Variants in GRIP1 observed in about 807,000 individuals in gnomAD.
The protein encoded by GRIP1 is glutamate receptor interacting protein 1.
A neutral mutation model predicts 129.9 loss-of-function variants in GRIP1; 45 were observed. The observed-to-expected ratio is 0.35, with a 90% confidence interval of 0.27 to 0.44. GRIP1 has a LOEUF of 0.44. Ranked by LOEUF, GRIP1 falls within the 20% of genes least tolerant of loss-of-function variation. The pLI is 1.00. For missense variants in GRIP1, 1,196 were observed against 1,396.8 expected, an observed-to-expected ratio of 0.86 and a Z score of 2.29; for synonymous variants, 530 against 520.8, an observed-to-expected ratio of 1.02 and a Z score of -0.24.
At chr12:66,960,776 C>T (rs1357117539) in intron 1 of GRIP1, among the ~76,000 whole-genome samples, 1 of 152,090 alleles carries the variant, frequency 6.6e-6, no homozygotes, top group Non-Finnish European at 1.5e-5. Context: ...CTCAGACCAG[C>T]CCCCACAGCC....
intron 1 of GRIP1, among the ~76,000 whole-genome samples, chr12:66,929,123 A>G (rs1302663788): frequency 1.3e-5 from 2 of 152,240 alleles, no homozygotes. Flanking sequence ...TTGTGTGAAA[A>G]TAAGAACCCA....
chr12:66,863,641 G>A (rs563225483), intron 1 of GRIP1, among the ~76,000 whole-genome samples: 20 of 152,070 alleles, frequency 1.3e-4, no homozygotes, highest in Non-Finnish European at 2.5e-4. Context: ...TAAAAGGCCA[G>A]GTGGTGCACC....
intron 2 of GRIP1, among the ~76,000 whole-genome samples, chr12:66,572,462 G>T (rs1382198258): frequency 6.6e-6 from 1 of 152,130 alleles, no homozygotes; most frequent in Admixed American, 6.5e-5. Flanking sequence ...GAGGGATCAG[G>T]GCAACTCTCA....
rs376567487 is a variant in GRIP1 at position 66,600,093 on chromosome 12, T to C, written c.56-3166A>G. On this transcript the variant is annotated intron_variant, in intron 1 of 24. Transcript: ENST00000359742. ...AGCCACAGAGCCAATTATTTTCGTG[T>C]GTATATAAATCCCATTCTTCCCTCC... Among the ~76,000 whole-genome samples the C allele has an allele frequency of 3.3e-5, 5 of 152,316 alleles. No individual in the cohort carries two copies. The East Asian group carries it at 7.7e-4, about 24-fold the overall frequency.
intron 4 of GRIP1, among the ~76,000 whole-genome samples, chr12:66,534,696 C>T (rs1171654163): frequency 1.3e-5 from 2 of 151,596 alleles, no homozygotes; most frequent in African/African-American, 2.4e-5. Context: ...TCTTCCTTCT[C>T]TCTCTCTCTC....
At chr12:66,469,174 T>C (rs1420365781) in intron 7 of GRIP1, among the ~76,000 whole-genome samples, 1 of 152,178 alleles carries the variant, frequency 6.6e-6, no homozygotes, top group Non-Finnish European at 1.5e-5. Context: ...CAACTCAGCA[T>C]GTGGCCCGAG....
intron 1 of GRIP1, among the ~76,000 whole-genome samples, chr12:66,789,240 G>A (rs539981982): frequency 2.0e-5 from 3 of 152,234 alleles, no homozygotes; most frequent in African/African-American, 7.2e-5. Flanking sequence ...TCTAGGCACA[G>A]GAGAATTAAG....
At chr12:66,436,421 C>G (rs2058307211) in intron 13 of GRIP1, among the ~76,000 whole-genome samples, 1 of 151,852 alleles carries the variant, frequency 6.6e-6, no homozygotes, top group Admixed American at 6.6e-5. Context: ...AAAATAACTT[C>G]AGACTTAAAG....
intron 1 of GRIP1, among the ~76,000 whole-genome samples, chr12:66,949,597 C>T (rs2041723056): frequency 6.6e-6 from 1 of 152,086 alleles, no homozygotes; most frequent in South Asian, 2.1e-4. Flanking sequence ...TCTTATTAAA[C>T]TGTCTTGATG....
At chr12:66,605,614 T>C (rs1386927011) in intron 1 of GRIP1, among the ~76,000 whole-genome samples, 1 of 152,206 alleles carries the variant, frequency 6.6e-6, no homozygotes, top group Non-Finnish European at 1.5e-5. Context: ...AATTAGCCTT[T>C]AATGCTCTCA....
chr12:66,697,999 T>C (rs1033019020), intron 1 of GRIP1, among the ~76,000 whole-genome samples: 2 of 152,184 alleles, frequency 1.3e-5, no homozygotes, highest in African/African-American at 4.8e-5. Context: ...ATCTTCAGTA[T>C]GCAGTATTAA....
intron 1 of GRIP1, among the ~76,000 whole-genome samples, chr12:66,697,671 A>G (rs1452288600): frequency 2.0e-5 from 3 of 152,200 alleles, no homozygotes; most frequent in African/African-American, 2.4e-5. Context: ...AGTCAGGCAC[A>G]GGGATGAAAC....
At chr12:66,789,854 T>A (rs1056036928) in intron 1 of GRIP1, among the ~76,000 whole-genome samples, 17 of 152,146 alleles carry the variant, frequency 1.1e-4, no homozygotes, top group Non-Finnish European at 2.5e-4. Context: ...ATTCTAATCA[T>A]TTTGATTAGA....
chr12:66,945,773 C>T (rs2041658666), intron 1 of GRIP1, among the ~76,000 whole-genome samples: 1 of 152,160 alleles, frequency 6.6e-6, no homozygotes, highest in Admixed American at 6.5e-5. Flanking sequence ...CAGGTGTCCT[C>T]GTCAACCATG....
At chr12:66,815,820 A>ATTTCTTTCTTTCTTTCTTTCTCTTTC (rs1555241754) in intron 1 of GRIP1, among the ~76,000 whole-genome samples, 2 of 118,630 alleles carry the variant, frequency 1.7e-5, no homozygotes, top group African/African-American at 7.5e-5. Flanking sequence ...AAGATGAAAG[A>ATTTCTTTCTTTCTTTCTTTCTCTTTC]TTTCTTTCTT....
rs138683190 is a variant in GRIP1 at position 66,893,690 on chromosome 12, C to G, written c.58+175360G>C. Among the ~76,000 whole-genome samples, 97 of 152,274 alleles carry G rather than the reference C, an allele frequency of 6.4e-4. No homozygotes were observed. In the East Asian group the frequency reaches 7.0e-3, roughly 11 times the overall value. The stretch of plus-strand genomic sequence containing the variant: ...GAACATGAATACATAAGATTTTGTG[C>G]AAACATACATTCTTATTTCTCTAGG... On this transcript the variant is annotated intron_variant, in intron 1 of 1. Coordinates refer to the GRIP1 transcript ENST00000643019.
At chr12:66,397,998 C>T (rs1038363933) in intron 16 of GRIP1, among the ~76,000 whole-genome samples, 2 of 152,186 alleles carry the variant, frequency 1.3e-5, no homozygotes, top group South Asian at 2.1e-4. Context: ...TGGCTGCCCG[C>T]ACACAGTCTT....
At chr12:66,980,581 A>G in intron 1 of GRIP1, among the ~76,000 whole-genome samples, 1 of 152,242 alleles carries the variant, frequency 6.6e-6, no homozygotes, top group South Asian at 2.1e-4. Flanking sequence ...ACTGCACTTC[A>G]GCCTGGCAAC....
At chr12:66,364,074 T>C (rs565657913) in intron 23 of GRIP1, among the ~76,000 whole-genome samples, 2 of 151,904 alleles carry the variant, frequency 1.3e-5, no homozygotes. Context: ...GAGACCAGCT[T>C]GGCCAACATG....
Sources: gnomAD v4.1 joint callset for allele counts (sites outside exome capture counted in the v4.1 genomes callset) on GRCh38, gnomAD v4.1.1 for gene constraint, MANE v1.5 for transcripts, NCBI Gene and HGNC (gene_info 2026-07-23, HGNC 2026-07-21) for gene names.